BCKDHA: variants seen among roughly 807,000 people sequenced by gnomAD.
BCKDHA encodes branched chain keto acid dehydrogenase E1 subunit alpha, also known as 2-oxoisovalerate dehydrogenase subunit alpha, mitochondrial.
In BCKDHA, 43 loss-of-function variants were observed where a neutral mutation model predicts 52.2. The observed-to-expected ratio is 0.82, with a 90% CI of 0.64 to 1.06. The LOEUF (loss-of-function observed/expected upper bound fraction) is 1.06, where lower values mean the gene tolerates loss of function less well. Ranked by LOEUF, BCKDHA falls within the 50% of genes least tolerant of loss-of-function variation. The probability of loss-of-function intolerance (pLI) is 0.00; values close to 1 mark genes in which losing one functional copy is unlikely to be tolerated. For synonymous variants in BCKDHA, 234 were observed against 247.9 expected (o/e 0.94, Z 0.53); for missense variants, 527 against 621.3 (o/e 0.85, Z 1.61).
rs139553536 is a variant in BCKDHA, at chr19:41,424,466, G to A, written c.1196G>A (p.Arg399Gln). 29 of 1,614,110 alleles carry A rather than the reference G, an allele frequency of 1.8e-5. No homozygotes were observed. Among genetic ancestry groups the A allele is most frequent in the Admixed American group, 6.7e-5 (4 of 60,030 alleles). Reference protein sequence around the residue: ...KVMEAFEQAERKPKPNPNLLF... With the variant: ...KVMEAFEQAEQKPKPNPNLLF... ...ATGGAGGCCTTTGAGCAGGCCGAGC[G>A]GAAGCCCAAACCCAACCCCAACCTA... Residue 399 changes from arginine (R) to glutamine (Q), a missense_variant, in exon 9 of 9, where the codon CGG becomes CAG. Transcript: ENST00000269980.
intron 3 of BCKDHA, among the ~76,000 whole-genome samples, chr19:41,412,107 A>G (rs1052847676): frequency 6.6e-6 from 1 of 152,090 alleles, no homozygotes; most frequent in East Asian, 1.9e-4. Context: ...GTCCATCCGT[A>G]TGCCAGGGCT....
Position 41,422,769 on chromosome 19 carries a change from A to G in BCKDHA, c.994A>G (p.Arg332Gly). The G allele has an allele frequency of 6.2e-7, 1 of 1,613,088 alleles. No individual in the cohort carries two copies. The highest frequency in any genetic ancestry group is 8.5e-7 in the Non-Finnish European group (1 of 1,179,998). The change falls in exon 7 of 9, where the codon AGG becomes GGG. Residue 332 changes from arginine to glycine, a missense_variant and splice_region_variant. Transcript: ENST00000269980. The stretch of plus-strand genomic sequence containing the variant: ...CTTCCTCATCGAGGCCATGACCTAC[A>G]GGTGCCTGCCGCTCCCCCCGTCAGC... ...QPFLIEAMTY[R>G]IGHHSTSDDS... is the part of the protein sequence containing the mutation.
chr19:41,422,587 A>G, intron 6 of BCKDHA, 42 bp from the exon 7 acceptor site: 1 of 1,612,072 alleles, frequency 6.2e-7, no homozygotes, highest in Non-Finnish European at 8.5e-7. Flanking sequence ...CATGTTCCTT[A>G]TCTCAGCCCT....
chr19:41,418,675 C>T (rs1024914089), intron 4 of BCKDHA: 21 of 438,000 alleles, frequency 4.8e-5, no homozygotes, highest in African/African-American at 4.1e-4. Flanking sequence ...GAACCACAGG[C>T]ACACATCACC....
intron 1 of BCKDHA, among the ~76,000 whole-genome samples, chr19:41,404,966 T>A (rs1480754610): frequency 2.0e-5 from 3 of 152,212 alleles, no homozygotes; most frequent in African/African-American, 7.2e-5. Flanking sequence ...TTTTTTAGGC[T>A]AGTCAGGTGA....
intron 6 of BCKDHA, 94 bp downstream of exon 6, chr19:41,422,464 G>C: frequency 1.3e-6 from 2 of 1,581,044 alleles, no homozygotes; most frequent in South Asian, 1.1e-5. Context: ...CCTCCTTCCT[G>C]GTTCTCGTCC....
At chr19:41,414,026 C>T in intron 3 of BCKDHA, 23 bp from the exon 4 acceptor site, 1 of 1,601,236 alleles carries the variant, frequency 6.2e-7, no homozygotes, top group Non-Finnish European at 8.6e-7. Context: ...ATTGTGGGAC[C>T]CCGGTCCCCT....
chr19:41,416,348 G>A (rs1417043091), intron 4 of BCKDHA, among the ~76,000 whole-genome samples: 1 of 152,210 alleles, frequency 6.6e-6, no homozygotes, highest in Non-Finnish European at 1.5e-5. Flanking sequence ...GCAGGCCCCA[G>A]TGGTGTTGCC....
chr19:41,402,842 T>C (rs1208394438), intron 1 of BCKDHA, among the ~76,000 whole-genome samples: 2 of 152,192 alleles, frequency 1.3e-5, no homozygotes, highest in Non-Finnish European at 2.9e-5. Flanking sequence ...GGTTTTGCCA[T>C]GTTGGCCAGG....
At chr19:41,417,915 C>T (rs1241672326) in intron 4 of BCKDHA, among the ~76,000 whole-genome samples, 4 of 148,036 alleles carry the variant, frequency 2.7e-5, no homozygotes, top group Non-Finnish European at 4.5e-5. Flanking sequence ...AGCAAAACTC[C>T]GTCTCAAAAA....
rs530972813 is a variant in BCKDHA, at chr19:41,412,380, C to CTTTTTTTTTTTTTTTTTTTTTTTTTTTTT, written c.375+1389_375+1390insTTTTTTTTTTTTTTTTTTTTTTTTTTTTT. 3.3e-4 allele frequency among the ~76,000 whole-genome samples: 22 copies of CTTTTTTTTTTTTTTTTTTTTTTTTTTTTT among 65,864 alleles called. 4 individuals are homozygous for CTTTTTTTTTTTTTTTTTTTTTTTTTTTTT. Among genetic ancestry groups the CTTTTTTTTTTTTTTTTTTTTTTTTTTTTT allele is most frequent in the East Asian group, 7.5e-4 (2 of 2,672 alleles). The allele number at this position is 65,864 out of a possible 152,430, so 43.2% of individuals were successfully genotyped here. On this transcript the variant is annotated intron_variant, in intron 3 of 8. Transcript: ENST00000269980. ...TCATTCCCTCTGTCTGTAGATATTT[C>CTTTTTTTTTTTTTTTTTTTTTTTTTTTTT]TTTTTTTTTTTTTTTTTTACTTTTG...
At chr19:41,404,424 G>A (rs1165869576) in intron 1 of BCKDHA, among the ~76,000 whole-genome samples, 5 of 151,726 alleles carry the variant, frequency 3.3e-5, no homozygotes, top group Non-Finnish European at 7.4e-5. Context: ...CGAGTAGCTG[G>A]GACTACAGGC....
At chr19:41,424,365 AAGG>A (rs2039403812) in intron 8 of BCKDHA, 70 bp from the exon 9 acceptor site, 1 of 1,573,312 alleles carries the variant, frequency 6.4e-7, no homozygotes. Flanking sequence ...ATTCCTTGCC[AAGG>A]CCCCGCAGGA....
At chr19:41,421,637 A>G (rs1599960089) in intron 5 of BCKDHA, among the ~76,000 whole-genome samples, 1 of 149,440 alleles carries the variant, frequency 6.7e-6, no homozygotes, top group East Asian at 2.0e-4. Flanking sequence ...CAGATGGTGC[A>G]GGTTGGGTGG....
Position 41,423,003 on chromosome 19 carries a change from G to A in BCKDHA, c.1001G>A (p.Gly334Glu). The A allele has an allele frequency of 6.2e-7, 1 of 1,609,288 alleles. No homozygotes were observed. The highest frequency in any genetic ancestry group is 8.5e-7 in the Non-Finnish European group (1 of 1,177,950). ...FLIEAMTYRI[G>E]HHSTSDDSSA... ...GGCCCCTTGCCCCTGTGCAGGATCG[G>A]GCACCACAGCACCAGTGACGACAGT... Residue 334 changes from glycine to glutamate, a missense_variant, in exon 8 of 9, where the codon GGG (glycine) becomes GAG (glutamate). Coordinates refer to ENST00000269980, the MANE Select transcript of BCKDHA (RefSeq NM_000709.4).
chr19:41,422,394 C>A (rs1357727656), intron 6 of BCKDHA, 24 bp downstream of exon 6: 15 of 1,613,370 alleles, frequency 9.3e-6, no homozygotes, highest in Non-Finnish European at 1.2e-5. Flanking sequence ...TGGCTGCTCC[C>A]CACCCCGCTG....
At chr19:41,415,884 C>T (rs1381023019) in intron 4 of BCKDHA, among the ~76,000 whole-genome samples, 18 of 148,538 alleles carry the variant, frequency 1.2e-4, no homozygotes, top group Admixed American at 7.4e-4. Flanking sequence ...CCTGACCTTG[C>T]GATCCGCCCT....
chr19:41,417,930 AAAAG>A (rs1473786403), intron 4 of BCKDHA, among the ~76,000 whole-genome samples: 8 of 151,830 alleles, frequency 5.3e-5, no homozygotes, highest in Non-Finnish European at 8.8e-5. Context: ...CAAAAAAAAA[AAAAG>A]AAAGAAAATT....
chr19:41,404,636 C>T (rs1031501907), intron 1 of BCKDHA, among the ~76,000 whole-genome samples: 10 of 151,840 alleles, frequency 6.6e-5, no homozygotes, highest in Admixed American at 5.3e-4. Context: ...CTCTGTCACC[C>T]AGGCTGGAGT....
Sources: allele counts gnomAD v4.1 joint callset (sites outside exome capture counted in the v4.1 genomes callset), GRCh38; gene constraint gnomAD v4.1.1; transcripts MANE v1.5; gene names NCBI Gene and HGNC (gene_info 2026-07-23, HGNC 2026-07-21).